Variants in LVRN observed in about 807,000 individuals in gnomAD.
LVRN encodes the protein aminopeptidase Q.
LVRN carries 99 observed loss-of-function variants against 111.4 expected under a neutral mutation model. The observed-to-expected ratio is 0.89, with a 90% CI of 0.76 to 1.05. The LOEUF is 1.05. LVRN is among the 50% of genes least tolerant of loss of function. The pLI is 0.00. For synonymous variants in LVRN, 488 were observed against 449.5 expected, an observed-to-expected ratio of 1.09 and a Z score of -1.08; for missense variants, 1,414 against 1,206.8, an observed-to-expected ratio of 1.17 and a Z score of -2.54.
chr5:116,000,636 A>AGG lies in LVRN; in HGVS notation c.1625_1626insGG (p.Asp542GlufsTer11), dbSNP rs1439654281. 6.2e-7 allele frequency: 1 copy of AGG among 1,613,982 alleles called. No homozygotes were observed. The highest frequency in any genetic ancestry group is 1.1e-5 in the South Asian group (1 of 91,066). On this transcript the variant is annotated frameshift_variant, in exon 9 of 20. Coordinates refer to ENST00000357872, the MANE Select transcript of LVRN (RefSeq NM_173800.5). LOFTEE classifies it high-confidence loss of function. ...TCCTACTCAAACGCTGAGCAAGATG[A>AGG]TCTATGGAGGCATTTTCAAATGGTA... is the stretch of plus-strand genomic sequence containing the variant.
At chr5:116,018,563 T>A (rs193191830) in intron 18 of LVRN, among the ~76,000 whole-genome samples, 70 of 152,084 alleles carry the variant, frequency 4.6e-4, no homozygotes, top group Non-Finnish European at 8.4e-4. Flanking sequence ...TCCCAGCTAC[T>A]CAGGAAGCTG....
intron 6 of LVRN, among the ~76,000 whole-genome samples, chr5:115,996,815 T>C (rs4921047): frequency 0.45 from 68,155 of 151,868 alleles, 15,587 homozygotes; most frequent in South Asian, 0.52. Flanking sequence ...ACTGCAGCCA[T>C]CATATGTTGC....
At chr5:115,984,534 A>T (rs1747804608) in intron 2 of LVRN, 36 bp from the exon 3 acceptor site, 1 of 1,608,264 alleles carries the variant, frequency 6.2e-7, no homozygotes, top group African/African-American at 1.3e-5. Flanking sequence ...AATTGCTTAG[A>T]TTTGCTGTGA....
chr5:115,992,041 A>G, intron 4 of LVRN, 82 bp from the exon 5 acceptor site: 2 of 1,369,582 alleles, frequency 1.5e-6, no homozygotes, highest in Non-Finnish European at 2.0e-6. Flanking sequence ...TGGTAATTTT[A>G]TGATTTCATT....
At chr5:116,011,019 A>ATCTTTTCTTCTTTGTT in intron 14 of LVRN, 125 bp downstream of exon 14, 1 of 321,646 alleles carries the variant, frequency 3.1e-6, no homozygotes. Flanking sequence ...ATATATATAT[A>ATCTTTTCTTCTTTGTT]TATATATGGA....
intron 19 of LVRN, among the ~76,000 whole-genome samples, chr5:116,023,130 G>C (rs957219079): frequency 1.3e-5 from 2 of 152,100 alleles, no homozygotes; most frequent in African/African-American, 4.8e-5. Flanking sequence ...ACTTTTTAAT[G>C]AACTGATTTA....
At position 116,026,712 on chromosome 5, in the gene LVRN, C is replaced by T; in HGVS notation, c.*594C>T. On this transcript the variant is annotated 3_prime_UTR_variant, in exon 20 of 20. Coordinates refer to ENST00000357872, the MANE Select transcript of LVRN (RefSeq NM_173800.5). ...TCTTCTCCTGCCCATTTCTCTCTCC[C>T]ACAGTACATCCTGCATTGAACCACG... 6.4e-6 allele frequency: 1 copy of T among 157,392 alleles called. No individual in the cohort carries two copies. The highest frequency in any genetic ancestry group is 1.4e-5 in the Non-Finnish European group (1 of 71,918). The allele number at this position is 157,392 out of a possible 1,614,324, so 9.7% of individuals were successfully genotyped here. A position where few individuals can be genotyped will look rare whatever the true frequency, so the allele number is the denominator to read the frequency against.
chr5:116,003,395 G>T lies in LVRN; in HGVS notation c.2037+15G>T. On this transcript the variant is annotated intron_variant, in intron 12 of 19. Transcript: ENST00000357872. ...AGGATCCTAAGGTAAGGTTACTTTT[G>T]ATACTTTTAATTAAATATAATTTAT... 1.5e-6 allele frequency: 2 copies of T among 1,351,090 alleles called. No individual in the cohort carries two copies. The highest frequency in any genetic ancestry group is 1.5e-5 in the South Asian group (1 of 66,974). 83.7% of individuals were successfully genotyped at this position (1,351,090 alleles called of 1,614,324 possible).
chr5:115,967,522 C>T (rs1219480306), intron 1 of LVRN, among the ~76,000 whole-genome samples: 1 of 152,190 alleles, frequency 6.6e-6, no homozygotes, highest in Non-Finnish European at 1.5e-5. Flanking sequence ...GTCTTGCTTA[C>T]TGCAGCTATA....
intron 1 of LVRN, among the ~76,000 whole-genome samples, chr5:115,968,572 A>G (rs554931037): frequency 5.3e-5 from 8 of 151,824 alleles, no homozygotes; most frequent in Non-Finnish European, 8.8e-5. Flanking sequence ...CTGACTAGCT[A>G]GAAGGACAGT....
At chr5:116,007,609 C>G (rs1372709935) in intron 13 of LVRN, among the ~76,000 whole-genome samples, 1 of 152,146 alleles carries the variant, frequency 6.6e-6, no homozygotes, top group East Asian at 1.9e-4. Context: ...ATGCATAAGT[C>G]TCATCTCTTC....
chr5:116,016,912 G>T (rs1179514836), intron 18 of LVRN, among the ~76,000 whole-genome samples: 1 of 152,102 alleles, frequency 6.6e-6, no homozygotes, highest in African/African-American at 2.4e-5. Flanking sequence ...CTTCTCTATA[G>T]AGTAATAGAT....
At chr5:116,011,657 G>A (rs1042087221) in intron 14 of LVRN, among the ~76,000 whole-genome samples, 4 of 152,130 alleles carry the variant, frequency 2.6e-5, no homozygotes, top group African/African-American at 7.2e-5. Context: ...CCTAGTGGCC[G>A]AAGTACCAAT....
In LVRN at chr5:115,968,156, C is replaced by G. The variant is rs1040401549; in HGVS notation, c.695+4844C>G. 6.6e-5 allele frequency among the ~76,000 whole-genome samples: 10 copies of G among 152,094 alleles called. No homozygotes were observed. In the South Asian group the frequency reaches 1.9e-3, roughly 28 times the overall value. On this transcript the variant is annotated intron_variant, in intron 1 of 19. Transcript: ENST00000357872. Reference sequence around the variant, plus strand: ...TGAGTGGTAAGAATGAACATTCTTGCTTTTTTCTCCTCATCTTAGTGGGAA... The same window carrying G: ...TGAGTGGTAAGAATGAACATTCTTGGTTTTTTCTCCTCATCTTAGTGGGAA...
At chr5:115,981,915 T>A (rs1753567757) in intron 1 of LVRN, among the ~76,000 whole-genome samples, 2 of 152,130 alleles carry the variant, frequency 1.3e-5, no homozygotes, top group Non-Finnish European at 2.9e-5. Context: ...AATTTAAAAG[T>A]TCAAACAGCA....
At chr5:115,985,787 G>A (rs7705905) in intron 3 of LVRN, among the ~76,000 whole-genome samples, 62,853 of 152,036 alleles carry the variant, frequency 0.41, 13,755 homozygotes, top group African/African-American at 0.57. Context: ...TATGGAGGTC[G>A]TGCTGGCAGT....
chr5:115,993,620 T>C (rs1411040922), intron 5 of LVRN, 121 bp from the exon 6 acceptor site: 4 of 651,076 alleles, frequency 6.1e-6, no homozygotes, highest in Non-Finnish European at 1.0e-5. Context: ...GTTTTGTTAT[T>C]GATGGCAAAT....
chr5:115,984,900 A>T (rs1041777614), intron 3 of LVRN, among the ~76,000 whole-genome samples, 191 bp downstream of exon 3: 2 of 152,106 alleles, frequency 1.3e-5, no homozygotes, highest in African/African-American at 4.8e-5. Context: ...CATTCTTTGG[A>T]TAGGTTTTCA....
intron 1 of LVRN, among the ~76,000 whole-genome samples, chr5:115,979,685 G>A (rs1458841727): frequency 6.6e-6 from 1 of 152,126 alleles, no homozygotes; most frequent in African/African-American, 2.4e-5. Context: ...AAACAAACGT[G>A]ATTCATAAGC....
Sources: gnomAD v4.1 joint callset for allele counts (sites outside exome capture counted in the v4.1 genomes callset) on GRCh38, gnomAD v4.1.1 for gene constraint, MANE v1.5 for transcripts, NCBI Gene and HGNC (gene_info 2026-07-23, HGNC 2026-07-21) for gene names.